The following CAMK2A variants were observed in gnomAD, a reference collection of about 807,000 sequenced individuals.
The protein encoded by CAMK2A is calcium/calmodulin dependent protein kinase II alpha.
Under a neutral mutation model 79.2 loss-of-function variants are expected in CAMK2A, and 7 were observed. The observed-to-expected ratio is 0.09, with a 90% CI of 0.05 to 0.17. CAMK2A has a LOEUF of 0.17. Ranked by LOEUF, CAMK2A falls within the 10% of genes least tolerant of loss-of-function variation. The pLI, the probability that CAMK2A is intolerant of heterozygous loss-of-function variation, is 1.00. For synonymous variants in CAMK2A, 242 were observed against 251.7 expected (o/e 0.96, Z 0.36); for missense variants, 214 against 646.4 (o/e 0.33, Z 7.25).
intron 12 of CAMK2A, among the ~76,000 whole-genome samples, chr5:150,246,044 C>G (rs1276650629): frequency 6.6e-6 from 1 of 152,234 alleles, no homozygotes; most frequent in East Asian, 1.9e-4. Context: ...GCACCTGACC[C>G]ATAAGCCGCA....
At chr5:150,233,235 C>T (rs1481214039) in intron 15 of CAMK2A, among the ~76,000 whole-genome samples, 1 of 152,188 alleles carries the variant, frequency 6.6e-6, no homozygotes, top group Non-Finnish European at 1.5e-5. Context: ...ACTTTATTTC[C>T]ACGTCACAGA....
At position 150,250,929 on chromosome 5, in the gene CAMK2A, C is replaced by T. The variant is rs1755804687; in HGVS notation, c.694-119G>A. 2.5e-6 allele frequency: 3 copies of T among 1,177,032 alleles called. No homozygotes were observed. In the East Asian group the frequency reaches 7.3e-5, roughly 28 times the overall value. The allele number at this position is 1,177,032 out of a possible 1,614,324, so 72.9% of individuals were successfully genotyped here. A position where few individuals can be genotyped will look rare whatever the true frequency, so the allele number is the denominator to read the frequency against. On this transcript the variant is annotated intron_variant, in intron 9 of 18. Coordinates refer to ENST00000671881, the MANE Select transcript of CAMK2A (RefSeq NM_015981.4). ...CCTACTGCCCATCCACTCGGACATCCACACCAGGAGGAGTTGGGGCTCCTC... is the reference window on the plus strand; with the variant it reads ...CCTACTGCCCATCCACTCGGACATCTACACCAGGAGGAGTTGGGGCTCCTC...
intron 6 of CAMK2A, among the ~76,000 whole-genome samples, chr5:150,254,657 G>T (rs551936325): frequency 6.6e-6 from 1 of 152,300 alleles, no homozygotes; most frequent in East Asian, 1.9e-4. Context: ...CAGGATGGAG[G>T]GGCGCTAAGA....
intron 10 of CAMK2A, 146 bp from the exon 11 acceptor site, chr5:150,250,455 G>A: frequency 1.2e-6 from 1 of 818,832 alleles, no homozygotes; most frequent in African/African-American, 1.7e-5. Flanking sequence ...ATGCTTCAGG[G>A]TGTTTAGCAT....
intron 17 of CAMK2A, among the ~76,000 whole-genome samples, chr5:150,226,744 A>AAGGG (rs1491265849): frequency 2.4e-5 from 2 of 84,482 alleles, no homozygotes; most frequent in Non-Finnish European, 4.4e-5. Flanking sequence ...AAAAAAAAAA[A>AAGGG]GGGGGGGGGG....
rs772846340 is a variant in CAMK2A at position 150,284,053 on chromosome 5, G to A, written c.62+5511C>T. Among the ~76,000 whole-genome samples, 13 of 152,200 alleles carry A rather than the reference G, an allele frequency of 8.5e-5. No individual in the cohort carries two copies. Among genetic ancestry groups the A allele is most frequent in the Non-Finnish European group, 1.9e-4 (13 of 68,024 alleles). On this transcript the variant is annotated intron_variant, in intron 1 of 18. Coordinates refer to ENST00000671881, the MANE Select transcript of CAMK2A (RefSeq NM_015981.4). The surrounding 1 kb of genome is among the most constrained non-coding windows in gnomAD (Gnocchi z 5.3). Reference sequence around the variant, plus strand: ...GCACTCAGCAGGTTGCCTGGGGTAGGAGGCTTCCTACAGTGCCACAGAGAA... The same window carrying A: ...GCACTCAGCAGGTTGCCTGGGGTAGAAGGCTTCCTACAGTGCCACAGAGAA...
rs755124930 is a variant in CAMK2A at position 150,238,794 on chromosome 5, G to A, written c.1018-46C>T. On this transcript the variant is annotated intron_variant, in intron 14 of 18. Transcript: ENST00000671881. ...GATGGTGAGGCCTGCCTGGGAGCGG[G>A]ACGAGGCATGGCCAGGCCCTGGCTG... 2.0e-6 allele frequency: 3 copies of A among 1,523,754 alleles called. No individual in the cohort carries two copies. The East Asian group carries it at 7.1e-5, about 36-fold the overall frequency. 94.4% of individuals were successfully genotyped at this position (1,523,754 alleles called of 1,614,324 possible).
intron 9 of CAMK2A, among the ~76,000 whole-genome samples, 195 bp downstream of exon 9, chr5:150,251,555 G>T (rs1043130450): frequency 1.4e-4 from 21 of 152,172 alleles, no homozygotes; most frequent in Non-Finnish European, 2.8e-4. Context: ...ACTCCATTTT[G>T]GTGCTGCTTC....
intron 2 of CAMK2A, among the ~76,000 whole-genome samples, chr5:150,270,489 C>A (rs1230425771): frequency 6.6e-6 from 1 of 152,256 alleles, no homozygotes; most frequent in South Asian, 2.1e-4. Flanking sequence ...CCACAGCTCC[C>A]GGGAGGGTGG....
At chr5:150,230,930 G>A (rs1287125374) in intron 16 of CAMK2A, among the ~76,000 whole-genome samples, 4 of 152,154 alleles carry the variant, frequency 2.6e-5, no homozygotes, top group Middle Eastern at 3.2e-3. Context: ...CTACTGGGCA[G>A]GAATGAAGGG....
chr5:150,258,757 GAATTGTTT>G (rs1756170738), intron 3 of CAMK2A, among the ~76,000 whole-genome samples: 1 of 152,192 alleles, frequency 6.6e-6, no homozygotes, highest in East Asian at 1.9e-4. Context: ...TGAGTCCCCT[GAATTGTTT>G]ATGGCTGTCG....
intron 1 of CAMK2A, among the ~76,000 whole-genome samples, chr5:150,277,376 G>C (rs1756992591): frequency 6.6e-6 from 1 of 152,234 alleles, no homozygotes; most frequent in Non-Finnish European, 1.5e-5. Flanking sequence ...AAGTCCTGCT[G>C]TGTATCCTGT....
At chr5:150,252,228 C>T (rs1346063005) in intron 7 of CAMK2A, among the ~76,000 whole-genome samples, 163 bp from the exon 8 acceptor site, 1 of 152,142 alleles carries the variant, frequency 6.6e-6, no homozygotes, top group Non-Finnish European at 1.5e-5. Context: ...CAACCCCAGT[C>T]GGCCCAAGAC....
At chr5:150,268,620 A>G (rs966306024) in intron 2 of CAMK2A, among the ~76,000 whole-genome samples, 3 of 152,146 alleles carry the variant, frequency 2.0e-5, no homozygotes, top group Admixed American at 6.5e-5. Flanking sequence ...TGAGAGTAAG[A>G]CCTTTTCTGT....
At chr5:150,230,927 G>T (rs1221679865) in intron 16 of CAMK2A, among the ~76,000 whole-genome samples, 1 of 152,154 alleles carries the variant, frequency 6.6e-6, no homozygotes, top group Non-Finnish European at 1.5e-5. Flanking sequence ...GGCCTACTGG[G>T]CAGGAATGAA....
chr5:150,258,907 C>T (rs542267800), intron 3 of CAMK2A, among the ~76,000 whole-genome samples: 10 of 152,234 alleles, frequency 6.6e-5, no homozygotes, highest in Non-Finnish European at 1.2e-4. Flanking sequence ...AGGCTGGGAG[C>T]GGTGGCTCAC....
intron 17 of CAMK2A, among the ~76,000 whole-genome samples, chr5:150,226,836 C>G (rs1754625822): frequency 6.8e-6 from 1 of 147,956 alleles, no homozygotes; most frequent in Admixed American, 6.8e-5. Flanking sequence ...TTGAATCTTG[C>G]TCTGTCGCCC....
intron 17 of CAMK2A, among the ~76,000 whole-genome samples, chr5:150,226,815 T>G (rs1363761257): frequency 1.3e-5 from 2 of 151,140 alleles, no homozygotes; most frequent in African/African-American, 2.4e-5. Flanking sequence ...TTTGTGTTTT[T>G]TTTGTGGAGA....
chr5:150,263,331 A>AAC (rs908422034), intron 3 of CAMK2A, among the ~76,000 whole-genome samples: 1 of 151,966 alleles, frequency 6.6e-6, no homozygotes, highest in Non-Finnish European at 1.5e-5. Flanking sequence ...GTTGTGCAGC[A>AAC]ACACACACAC....
Sources: gnomAD v4.1 joint callset for allele counts (sites outside exome capture counted in the v4.1 genomes callset) on GRCh38, gnomAD v4.1.1 for gene constraint, Gnocchi (gnomAD v3.1) non-coding constraint, MANE v1.5 for transcripts, NCBI Gene and HGNC (gene_info 2026-07-23, HGNC 2026-07-21) for gene names.